The following DDX52 variants were observed in gnomAD, a reference collection of about 807,000 sequenced individuals.
The protein encoded by DDX52 is DExD-box helicase 52, also known as probable ATP-dependent RNA helicase DDX52.
DDX52 carries 59 observed loss-of-function variants against 76.1 expected under a neutral mutation model. The observed-to-expected ratio is 0.78, with a 90% CI of 0.63 to 0.96. The LOEUF is 0.96. Among genes scored for constraint, DDX52 ranks in the 40% least tolerant of loss-of-function variants. The pLI is 0.00. For synonymous variants in DDX52, 231 were observed against 244.1 expected (o/e 0.95, Z 0.50); for missense variants, 707 against 703.9 (o/e 1.00, Z -0.05).
chr17:37,637,444 A>C (rs2030985768), intron 2 of DDX52, among the ~76,000 whole-genome samples: 1 of 151,138 alleles, frequency 6.6e-6, no homozygotes, highest in African/African-American at 2.4e-5. Flanking sequence ...TTTTTTGTAT[A>C]GATGGAGTCT....
Position 37,621,117 on chromosome 17 carries a change from G to T in DDX52, c.1501+10C>A, listed in dbSNP as rs750397580. The T allele has an allele frequency of 6.3e-7, 1 of 1,598,116 alleles. No individual in the cohort carries two copies. Among genetic ancestry groups the T allele is most frequent in the Non-Finnish European group, 8.5e-7 (1 of 1,173,626 alleles). ...GGTGACAGAGGGGAAGGAAAAAAAA[G>T]ACAACTCACCTATCCTGTGGATATA... is the stretch of plus-strand genomic sequence containing the variant. On this transcript the variant is annotated intron_variant, in intron 11 of 14. Coordinates refer to ENST00000617633, the MANE Select transcript of DDX52 (RefSeq NM_007010.5).
At chr17:37,623,113 A>T (rs1282920233) in intron 9 of DDX52, among the ~76,000 whole-genome samples, 2 of 152,172 alleles carry the variant, frequency 1.3e-5, no homozygotes, top group Non-Finnish European at 2.9e-5. Context: ...CTCCAACTAT[A>T]CTTAATGTCT....
intron 4 of DDX52, chr17:37,631,512 G>C (rs1051836923): frequency 1.3e-5 from 2 of 153,008 alleles, no homozygotes; most frequent in Non-Finnish European, 2.9e-5. Flanking sequence ...ATTGTCTGGG[G>C]TAATACATAT....
chr17:37,610,634 A>G lies in DDX52; in HGVS notation c.*3662T>C, dbSNP rs1055206545. 1 of 152,186 alleles carries G rather than the reference A, an allele frequency of 6.6e-6. No individual in the cohort carries two copies. The highest frequency in any genetic ancestry group is 1.5e-5 in the Non-Finnish European group (1 of 68,026). The allele number at this position is 152,186 out of a possible 1,614,324, so 9.4% of individuals were successfully genotyped here. ...TGGTCAGGAACTGTACACGCATTTT[A>G]AAAAATCCTCAGTATCCTTAGGAGT... is the stretch of plus-strand genomic sequence containing the variant. On this transcript the variant is annotated 3_prime_UTR_variant, in exon 15 of 15. Transcript: ENST00000617633.
At chr17:37,614,448 C>T in intron 14 of DDX52, 95 bp from the exon 15 acceptor site, 3 of 1,196,434 alleles carry the variant, frequency 2.5e-6, no homozygotes, top group Non-Finnish European at 3.5e-6. Context: ...TTTACTGAAA[C>T]CTACTGTGTA....
intron 14 of DDX52, among the ~76,000 whole-genome samples, chr17:37,615,824 G>T (rs896056184): frequency 6.6e-6 from 1 of 151,972 alleles, no homozygotes; most frequent in African/African-American, 2.4e-5. Flanking sequence ...GACCACCCTG[G>T]CCAACATGGT....
At chr17:37,616,101 T>A (rs1568596988) in intron 14 of DDX52, among the ~76,000 whole-genome samples, 1 of 152,228 alleles carries the variant, frequency 6.6e-6, no homozygotes, top group Non-Finnish European at 1.5e-5. Context: ...TATGTTCTAG[T>A]TGATTTTTGA....
intron 14 of DDX52, among the ~76,000 whole-genome samples, chr17:37,616,639 G>A (rs910689946): frequency 6.7e-6 from 1 of 150,336 alleles, no homozygotes; most frequent in South Asian, 2.1e-4. Context: ...TGGGCGACAG[G>A]GTGGCAGAGC....
chr17:37,638,841 C>G (rs1346687599), intron 2 of DDX52, among the ~76,000 whole-genome samples: 1 of 148,648 alleles, frequency 6.7e-6, no homozygotes, highest in African/African-American at 2.5e-5. Flanking sequence ...ATGATCTCAG[C>G]TCACTGCAAC....
In DDX52 at chr17:37,621,273, T is replaced by C. The variant is rs2030074481; in HGVS notation, c.1355A>G (p.Asp452Gly). 1.2e-6 allele frequency: 2 copies of C among 1,609,344 alleles called. No individual in the cohort carries two copies. ...IHAERTQQQR[D>G]NTVHSFRAGK... The stretch of plus-strand genomic sequence containing the variant: ...TGCTCTGAAACTGTGGACTGTGTTA[T>C]CTCTCTGGTTAACAGAATATATATT... The change falls in exon 11 of 15, where the codon GAT (aspartate) becomes GGT (glycine). Residue 452 changes from aspartate to glycine, a missense_variant. By Grantham distance (94) the Asp-to-Gly change is moderately conservative (BLOSUM62 -1). Transcript: ENST00000617633.
Position 37,621,489 on chromosome 17 carries a change from T to A in DDX52, c.1259A>T (p.Gln420Leu), listed in dbSNP as rs780616404. The A allele has an allele frequency of 6.2e-7, 1 of 1,613,214 alleles. No individual in the cohort carries two copies. The highest frequency in any genetic ancestry group is 2.2e-5 in the East Asian group (1 of 44,798). Residue 420 changes from glutamine (Q) to leucine (L), a missense_variant, in exon 10 of 15, where the codon CAG becomes CTG. Physicochemically the swap from Gln to Leu is moderately radical, Grantham distance 113. Transcript: ENST00000617633. ...AAGTTCTTTAGCCCTTTCAATGGAC[T>A]GAACAAAAACAAGAACAGGTGGATT... ...GFNPPVLVFV[Q>L]SIERAKELFH...
In DDX52 at chr17:37,621,518, A is replaced by ACT. The variant is rs773585962; in HGVS notation, c.1229_1230insAG (p.Phe411ValfsTer57). 5 of 1,601,292 alleles carry ACT rather than the reference A, an allele frequency of 3.1e-6. No homozygotes were observed. The highest frequency in any genetic ancestry group is 4.2e-6 in the Non-Finnish European group (5 of 1,176,966). On this transcript the variant is annotated frameshift_variant and splice_region_variant, in exon 10 of 15. Transcript: ENST00000617633. LOFTEE classifies it high-confidence loss of function. ...CAAAAACAAGAACAGGTGGATTGAA[A>ACT]CCCTAAAAGAAGACAAAAATTGGCA...
At chr17:37,619,669 G>A (rs981487060) in intron 13 of DDX52, 99 bp downstream of exon 13, 2 of 1,017,480 alleles carry the variant, frequency 2.0e-6, no homozygotes, top group African/African-American at 1.6e-5. Flanking sequence ...CTGTGATCAT[G>A]CCACTGCACT....
At chr17:37,622,627 T>G (rs1027918534) in intron 9 of DDX52, among the ~76,000 whole-genome samples, 4 of 152,138 alleles carry the variant, frequency 2.6e-5, no homozygotes, top group Admixed American at 2.6e-4. Flanking sequence ...GGCTTAAACA[T>G]CTCTTTTGGA....
At chr17:37,620,323 T>C (rs750045599) in intron 12 of DDX52, 3 of 162,030 alleles carry the variant, frequency 1.9e-5, no homozygotes, top group Non-Finnish European at 4.0e-5. Flanking sequence ...GGGATTCACA[T>C]GCTTGGAGTT....
chr17:37,621,654 G>T, intron 9 of DDX52, 134 bp from the exon 10 acceptor site: 1 of 1,152,312 alleles, frequency 8.7e-7, no homozygotes, highest in Non-Finnish European at 1.2e-6. Flanking sequence ...TTGGGCTAGT[G>T]GTCTAATTCT....
In DDX52 at chr17:37,643,406, A is replaced by T. The variant is rs1054553901; in HGVS notation, c.15T>A (p.Asp5Glu). Residue 5 changes from aspartate (D) to glutamate (E), a missense_variant, in exon 1 of 15, where the codon GAT becomes GAA. Coordinates refer to ENST00000617633, the MANE Select transcript of DDX52 (RefSeq NM_007010.5). MDVH[D>E]LFRRLGAGAK... ...CCCCCGCGCCGAGCCGGCGAAAGAG[A>T]TCGTGGACGTCCATCTTTACCCAGA... 9.3e-6 allele frequency: 15 copies of T among 1,613,926 alleles called. No individual in the cohort carries two copies. Among genetic ancestry groups the T allele is most frequent in the Non-Finnish European group, 1.3e-5 (15 of 1,179,914 alleles).
At chr17:37,619,725 T>C (rs763482097) in intron 13 of DDX52, 43 bp downstream of exon 13, 1 of 1,524,088 alleles carries the variant, frequency 6.6e-7, no homozygotes, top group Non-Finnish European at 8.9e-7. Context: ...AGAATGTATA[T>C]ACAAAGAGAC....
At chr17:37,626,314 C>T (rs1017143653) in intron 7 of DDX52, among the ~76,000 whole-genome samples, 8 of 152,038 alleles carry the variant, frequency 5.3e-5, no homozygotes, top group African/African-American at 9.7e-5. Context: ...GTAATCCTCA[C>T]GTGTTGAGGG....
Sources: allele counts gnomAD v4.1 joint callset (sites outside exome capture counted in the v4.1 genomes callset), GRCh38; gene constraint gnomAD v4.1.1; transcripts MANE v1.5; gene names NCBI Gene and HGNC (gene_info 2026-07-23, HGNC 2026-07-21).